Variants in BABAM2 observed in about 807,000 individuals in gnomAD.
BABAM2 encodes BRISC and BRCA1 A complex member 2.
In BABAM2, 31 loss-of-function variants were observed where a neutral mutation model predicts 54.7. The ratio of observed to expected loss-of-function variants is 0.57; its 90% CI spans 0.43 to 0.77. The LOEUF (loss-of-function observed/expected upper bound fraction) is 0.77, where lower values mean the gene tolerates loss of function less well. Ranked by LOEUF, BABAM2 falls within the 30% of genes least tolerant of loss-of-function variation. The probability of loss-of-function intolerance (pLI) is 0.00; values close to 1 mark genes in which losing one functional copy is unlikely to be tolerated. For missense variants in BABAM2, 364 were observed against 455.8 expected (o/e 0.80, Z 1.83); for synonymous variants, 167 against 162.9 (o/e 1.03, Z -0.19).
chr2:28,294,327 C>T lies in BABAM2; in HGVS notation c.935-4011C>T, dbSNP rs1400708306. On this transcript the variant is annotated intron_variant, in intron 10 of 11. Transcript: ENST00000379624. ...CCTGGGAGGTGGAGGTTGCAGTGAG[C>T]CGAGATCGCACCACTGCCCTCCAGC... Among the ~76,000 whole-genome samples, 7 of 151,730 alleles carry T rather than the reference C, an allele frequency of 4.6e-5. No individual in the cohort carries two copies. In the East Asian group the frequency reaches 1.4e-3, roughly 29 times the overall value.
intron 3 of BABAM2, among the ~76,000 whole-genome samples, chr2:27,986,173 A>G (rs1203379798): frequency 6.6e-6 from 1 of 152,156 alleles, no homozygotes; most frequent in African/African-American, 2.4e-5. Flanking sequence ...ACTCCATTTG[A>G]TATTAGAGAC....
intron 10 of BABAM2, among the ~76,000 whole-genome samples, chr2:28,272,148 G>T (rs545950517): frequency 2.0e-5 from 3 of 152,270 alleles, no homozygotes; most frequent in South Asian, 4.1e-4. Flanking sequence ...ATTCCTTCTG[G>T]GATTTAGACC....
At position 27,988,009 on chromosome 2, in the gene BABAM2, T is replaced by C. The variant is rs1558639432; in HGVS notation, c.222T>C (p.Asn74=). Reference sequence around the variant, plus strand: ...TTATTTCAGGGGATATCATTTTCAATGCCCAATACCCAGAACTGCCTCCCG... The same window carrying C: ...TTATTTCAGGGGATATCATTTTCAACGCCCAATACCCAGAACTGCCTCCCG... The part of the protein sequence containing the change: ...GETLKWDIIF[N]AQYPELPPDF... The change falls in exon 4 of 12, where the codon AAT becomes AAC. Residue 74 remains asparagine, a synonymous_variant. Coordinates refer to ENST00000379624, the MANE Select transcript of BABAM2 (RefSeq NM_199191.3). 1 of 1,612,668 alleles carries C rather than the reference T, an allele frequency of 6.2e-7. No homozygotes were observed. The highest frequency in any genetic ancestry group is 8.5e-7 in the Non-Finnish European group (1 of 1,178,774).
intron 11 of BABAM2, among the ~76,000 whole-genome samples, chr2:28,324,477 A>T (rs545210451): frequency 7.2e-5 from 11 of 152,148 alleles, no homozygotes; most frequent in Non-Finnish European, 1.0e-4. Flanking sequence ...GTGTGATCTT[A>T]GAAAAGTTAC....
intron 10 of BABAM2, among the ~76,000 whole-genome samples, chr2:28,295,502 C>CT (rs963721465): frequency 2.5e-4 from 37 of 147,192 alleles, no homozygotes; most frequent in East Asian, 8.0e-4. Flanking sequence ...TGTGAATAGG[C>CT]TTTTTTTTTT....
intron 6 of BABAM2, among the ~76,000 whole-genome samples, chr2:28,097,000 G>A (rs1386840537): frequency 1.3e-5 from 2 of 152,132 alleles, no homozygotes; most frequent in East Asian, 3.8e-4. Context: ...TCTGTGGGTT[G>A]GGATAGGCCA....
In BABAM2 at chr2:28,025,313, A is replaced by C; in HGVS notation, c.388A>C (p.Ser130Arg). The stretch of plus-strand genomic sequence containing the variant: ...GCAACAATATCACCAATTCCAATGT[A>C]GCCGCCTCCGGGAGAGCTCCCGCCT... ...LVQQYHQFQC[S>R]RLRESSRLMF... The change falls in exon 5 of 12, where the codon AGC becomes CGC. Residue 130 changes from serine (S) to arginine (R), a missense_variant. Ser to Arg is a moderately radical substitution (Grantham distance 110). Coordinates refer to ENST00000379624, the MANE Select transcript of BABAM2 (RefSeq NM_199191.3). 1 of 1,613,312 alleles carries C rather than the reference A, an allele frequency of 6.2e-7. No homozygotes were observed. Among genetic ancestry groups the C allele is most frequent in the East Asian group, 2.2e-5 (1 of 44,748 alleles).
intron 11 of BABAM2, among the ~76,000 whole-genome samples, chr2:28,326,966 A>T (rs1393861364): frequency 6.6e-6 from 1 of 152,204 alleles, no homozygotes; most frequent in Non-Finnish European, 1.5e-5. Context: ...GTATATCTTA[A>T]GTAAGCCAAA....
rs566048949 is a variant in BABAM2, at chr2:28,076,795, G to A, written c.570+30996G>A. On this transcript the variant is annotated intron_variant, in intron 6 of 11. Coordinates refer to ENST00000379624, the MANE Select transcript of BABAM2 (RefSeq NM_199191.3). Reference sequence around the variant, plus strand: ...TGAGATTACAGGTGTGAGCCACCGCGCCCAGCCCATTGAACATTTTTAATA... The same window carrying A: ...TGAGATTACAGGTGTGAGCCACCGCACCCAGCCCATTGAACATTTTTAATA... Among the ~76,000 whole-genome samples the A allele has an allele frequency of 2.0e-4, 30 of 152,122 alleles. No homozygotes were observed. The East Asian group carries it at 4.1e-3, about 21-fold the overall frequency.
At chr2:28,148,677 C>T (rs1409182825) in intron 7 of BABAM2, among the ~76,000 whole-genome samples, 1 of 152,154 alleles carries the variant, frequency 6.6e-6, no homozygotes, top group Non-Finnish European at 1.5e-5. Context: ...ACCAGGAGGG[C>T]CCAAAAGTCA....
chr2:27,935,118 A>T (rs946531946), intron 3 of BABAM2, among the ~76,000 whole-genome samples: 10 of 152,234 alleles, frequency 6.6e-5, no homozygotes, highest in Non-Finnish European at 7.3e-5. Flanking sequence ...CTCAAAGGAT[A>T]GACTGACTTT....
At chr2:28,280,634 G>T (rs114079408) in intron 10 of BABAM2, among the ~76,000 whole-genome samples, 1 of 152,140 alleles carries the variant, frequency 6.6e-6, no homozygotes, top group Non-Finnish European at 1.5e-5. Context: ...TAGACCTGGG[G>T]TTCACACATC....
intron 7 of BABAM2, among the ~76,000 whole-genome samples, chr2:28,142,463 T>C (rs114242377): frequency 6.0e-4 from 91 of 152,324 alleles, no homozygotes; most frequent in African/African-American, 2.1e-3. Flanking sequence ...AGAAGTTATA[T>C]GTATCAGTGG....
chr2:28,269,268 C>T (rs1685224754), intron 10 of BABAM2, among the ~76,000 whole-genome samples: 1 of 152,156 alleles, frequency 6.6e-6, no homozygotes, highest in Non-Finnish European at 1.5e-5. Context: ...TTTTTTCTTG[C>T]TCTCTCCCTT....
At chr2:28,141,565 C>T (rs1671061884) in intron 7 of BABAM2, among the ~76,000 whole-genome samples, 1 of 152,098 alleles carries the variant, frequency 6.6e-6, no homozygotes, top group Non-Finnish European at 1.5e-5. Flanking sequence ...AACACAAACA[C>T]CTAGGTTTCC....
At position 28,074,320 on chromosome 2, in the gene BABAM2, G is replaced by A. The variant is rs1664454086; in HGVS notation, c.570+28521G>A. On this transcript the variant is annotated intron_variant, in intron 6 of 11. Transcript: ENST00000379624. ...CATGTATGTTATAGAATGTTTAGCA[G>A]CATTCCTGGCATCTGCCTGCCAGAT... Among the ~76,000 whole-genome samples the A allele has an allele frequency of 2.6e-5, 4 of 152,130 alleles. No homozygotes were observed. In the South Asian group the frequency reaches 6.2e-4, roughly 24 times the overall value.
intron 3 of BABAM2, among the ~76,000 whole-genome samples, chr2:27,940,053 A>G (rs1435490743): frequency 6.6e-6 from 1 of 152,210 alleles, no homozygotes; most frequent in Admixed American, 6.5e-5. Flanking sequence ...TATCCTAAGT[A>G]AAGAGAAGTC....
chr2:28,119,790 G>A (rs1030837604), intron 6 of BABAM2, among the ~76,000 whole-genome samples: 14 of 152,052 alleles, frequency 9.2e-5, no homozygotes, highest in Non-Finnish European at 1.5e-4. Context: ...TCAAAATGTC[G>A]CTTTTGGAAG....
intron 3 of BABAM2, among the ~76,000 whole-genome samples, chr2:27,984,892 CG>C (rs1672290156): frequency 6.6e-6 from 1 of 152,020 alleles, no homozygotes; most frequent in South Asian, 2.1e-4. Flanking sequence ...GTCATTCTTA[CG>C]CCTTTGCATC....
Sources: gnomAD v4.1 joint callset for allele counts (sites outside exome capture counted in the v4.1 genomes callset) on GRCh38, gnomAD v4.1.1 for gene constraint, MANE v1.5 for transcripts, NCBI Gene and HGNC (gene_info 2026-07-23, HGNC 2026-07-21) for gene names.